The following ADGRF3 variants were observed in gnomAD, a reference collection of about 807,000 sequenced individuals.
The protein encoded by ADGRF3 is adhesion G protein-coupled receptor F3, also known as G protein-coupled receptor 113.
Under a neutral mutation model 93.2 loss-of-function variants are expected in ADGRF3, and 85 were observed. The observed-to-expected ratio is 0.91, with a 90% CI of 0.77 to 1.09. The LOEUF (loss-of-function observed/expected upper bound fraction) is 1.09, where lower values mean the gene tolerates loss of function less well. ADGRF3 is among the 50% of genes least tolerant of loss of function. ADGRF3 has a pLI of 0.00. For missense variants in ADGRF3, 1,125 were observed against 1,246.2 expected, an observed-to-expected ratio of 0.90 and a Z score of 1.46; for synonymous variants, 534 against 532.5, an observed-to-expected ratio of 1.00 and a Z score of -0.04.
In ADGRF3 at chr2:26,311,181, A is replaced by G. The variant is rs1417734557; in HGVS notation, c.2343T>C (p.His781=). 6.3e-7 allele frequency: 1 copy of G among 1,598,784 alleles called. No individual in the cohort carries two copies. Among genetic ancestry groups the G allele is most frequent in the Non-Finnish European group, 8.5e-7 (1 of 1,173,144 alleles). Residue 781 remains histidine, a synonymous_variant, in exon 10 of 14, where the codon CAT becomes CAC. Transcript: ENST00000651242. ...AGAAAAAGGTGGCCAGGTAGAGGAA[A>G]TGACAGAGGAAGGCGGCAGCAAGGC... The part of the protein sequence containing the change: ...PLCLAAAFLC[H]FLYLATFFWM...
rs533165332 is a variant in ADGRF3 at position 26,310,122 on chromosome 2, T to A, written c.2875-17A>T. The A allele has an allele frequency of 4.3e-6, 7 of 1,613,992 alleles. No homozygotes were observed. Among genetic ancestry groups the A allele is most frequent in the African/African-American group, 2.7e-5 (2 of 75,054 alleles). On this transcript the variant is annotated splice_polypyrimidine_tract_variant and intron_variant, in intron 11 of 13. Coordinates refer to ENST00000651242, the MANE Select transcript of ADGRF3 (RefSeq NM_001321971.2). ...TTCTTGTATCTGCGGGAGAGGTAAA[T>A]GCTCTGCTTATGCCAGCCACGGCCC...
chr2:26,310,937 C>A lies in ADGRF3; in HGVS notation c.2587G>T (p.Gly863Trp). The change falls in exon 10 of 14, where the codon GGG becomes TGG. Residue 863 changes from glycine (G) to tryptophan (W), a missense_variant. By Grantham distance (184) the Gly-to-Trp change is radical. Transcript: ENST00000651242. ...ACGCCTATGATGGCCAGCACTGGCC[C>A]CACGAAGGTGTATAACGCCCCTCCC... ...GKGGALYTFV[G>W]PVLAIIGVNG... 1 of 1,613,538 alleles carries A rather than the reference C, an allele frequency of 6.2e-7. No individual in the cohort carries two copies. The highest frequency in any genetic ancestry group is 8.5e-7 in the Non-Finnish European group (1 of 1,179,690).
Position 26,311,141 on chromosome 2 carries a change from C to A in ADGRF3, c.2383G>T (p.Ala795Ser). 1 of 1,594,634 alleles carries A rather than the reference C, an allele frequency of 6.3e-7. No homozygotes were observed. The highest frequency in any genetic ancestry group is 8.5e-7 in the Non-Finnish European group (1 of 1,171,002). The change falls in exon 10 of 14, where the codon GCC becomes TCC. Residue 795 changes from alanine (A) to serine (S), a missense_variant. By Grantham distance (99) the Ala-to-Ser change is moderately conservative. Transcript: ENST00000651242. ...AGCAGCTGGTGGGCCAACACCAGGG[C>A]CTGCGCCAGCATCCAGAAAAAGGTG... ...LATFFWMLAQ[A>S]LVLAHQLLFV...
intron 1 of ADGRF3, among the ~76,000 whole-genome samples, chr2:26,342,849 T>A (rs1006183482): frequency 6.6e-6 from 1 of 152,216 alleles, no homozygotes; most frequent in African/African-American, 2.4e-5. Context: ...GGTGACTTAG[T>A]TCCAAAGGCA....
chr2:26,341,826 C>A (rs187137048), intron 1 of ADGRF3, among the ~76,000 whole-genome samples: 2 of 152,010 alleles, frequency 1.3e-5, no homozygotes, highest in African/African-American at 2.4e-5. Context: ...GTAATCCCAG[C>A]GCTTTGGGAG....
chr2:26,312,129 C>G, intron 9 of ADGRF3, 55 bp from the exon 10 acceptor site: 1 of 1,519,724 alleles, frequency 6.6e-7, no homozygotes, highest in East Asian at 2.3e-5. Context: ...CAGGACTGAG[C>G]CGGGGGCAAT....
At chr2:26,322,812 C>G (rs1199220575) in intron 1 of ADGRF3, among the ~76,000 whole-genome samples, 1 of 152,010 alleles carries the variant, frequency 6.6e-6, no homozygotes, top group East Asian at 1.9e-4. Context: ...ATTTTGTATT[C>G]TGTAATAGAA....
chr2:26,331,027 TC>T (rs1675738525), intron 1 of ADGRF3, among the ~76,000 whole-genome samples: 1 of 152,244 alleles, frequency 6.6e-6, no homozygotes, highest in Non-Finnish European at 1.5e-5. Context: ...ATTATTTCAT[TC>T]AAAATATTTT....
Position 26,313,810 on chromosome 2 carries a change from C to A in ADGRF3, c.1022G>T (p.Ser341Ile), listed in dbSNP as rs1674414242. The change falls in exon 7 of 14, where the codon AGC becomes ATC. Residue 341 changes from serine (S) to isoleucine (I), a missense_variant. Transcript: ENST00000651242. ...ADTTYACDLQ[S>I]LGLAPLRVPI... ...GACCCTGAGTGGAGCCAGGCCCAGG[C>A]TCTGCAGGTCACAAGCGTACGTGGT... is the stretch of plus-strand genomic sequence containing the variant. 6.2e-7 allele frequency: 1 copy of A among 1,613,866 alleles called. No individual in the cohort carries two copies. The highest frequency in any genetic ancestry group is 8.5e-7 in the Non-Finnish European group (1 of 1,179,890).
In ADGRF3 at chr2:26,310,075, G is replaced by A. The variant is rs1278140623; in HGVS notation, c.2905C>T (p.Arg969Cys). The A allele has an allele frequency of 5.6e-6, 9 of 1,614,032 alleles. No individual in the cohort carries two copies. Among genetic ancestry groups the A allele is most frequent in the Admixed American group, 1.7e-5 (1 of 60,030 alleles). ...IQEALRKRFC[R>C]AQAPSSTISL... ...ATGGTGGAGCTGGGGGCTTGGGCGC[G>A]GCAGAAGCGTTTGCGCAAAGCTTCT... Residue 969 changes from arginine (R) to cysteine (C), a missense_variant, in exon 12 of 14, where the codon CGC (arginine) becomes TGC (cysteine). By Grantham distance (180) the Arg-to-Cys change is radical (BLOSUM62 -3). Coordinates refer to ENST00000651242, the MANE Select transcript of ADGRF3 (RefSeq NM_001321971.2).
chr2:26,327,950 T>A (rs1194656032), intron 1 of ADGRF3, among the ~76,000 whole-genome samples: 1 of 152,094 alleles, frequency 6.6e-6, no homozygotes, highest in Non-Finnish European at 1.5e-5. Context: ...CACTGTGGCA[T>A]TAGGGATTAA....
At chr2:26,309,980 C>T (rs751193766) in intron 12 of ADGRF3, 63 bp downstream of exon 12, 1 of 1,614,010 alleles carries the variant, frequency 6.2e-7, no homozygotes, top group Admixed American at 1.7e-5. Context: ...CTGAGGAGGG[C>T]CATGGAATGC....
intron 1 of ADGRF3, among the ~76,000 whole-genome samples, chr2:26,329,444 C>T (rs1186300088): frequency 1.3e-5 from 2 of 152,152 alleles, no homozygotes; most frequent in African/African-American, 4.8e-5. Flanking sequence ...AACTGATGCA[C>T]TTTAAAGATA....
At chr2:26,314,042 G>A (rs1674435767) in intron 6 of ADGRF3, 139 bp from the exon 7 acceptor site, 4 of 1,066,534 alleles carry the variant, frequency 3.8e-6, no homozygotes, top group Non-Finnish European at 2.7e-6. Context: ...TGATGTGTGG[G>A]CTCCACTTGG....
intron 13 of ADGRF3, 190 bp downstream of exon 13, chr2:26,309,336 C>A: frequency 6.7e-7 from 1 of 1,482,500 alleles, no homozygotes; most frequent in Non-Finnish European, 8.9e-7. Flanking sequence ...ATGCTTTCTG[C>A]TCTCTGACAT....
chr2:26,328,431 G>A (rs1187007236), intron 1 of ADGRF3, among the ~76,000 whole-genome samples: 2 of 150,336 alleles, frequency 1.3e-5, no homozygotes, highest in Non-Finnish European at 3.0e-5. Flanking sequence ...GCGCTCTAAT[G>A]ACACAACTAT....
Position 26,311,798 on chromosome 2 carries a change from G to A in ADGRF3, c.1726C>T (p.Pro576Ser), listed in dbSNP as rs766781813. ...ATTTCAGTTCCATTACGGACCAATG[G>A]GGCCAGTGAGTGCCTGGGAATCTGA... Reference protein sequence around the residue: ...QAQIPRHSLAPLVRNGTEISI... With the variant: ...QAQIPRHSLASLVRNGTEISI... The change falls in exon 10 of 14, where the codon CCA becomes TCA. Residue 576 changes from proline (P) to serine (S), a missense_variant. Transcript: ENST00000651242. 6 of 1,613,854 alleles carry A rather than the reference G, an allele frequency of 3.7e-6. No individual in the cohort carries two copies.
In ADGRF3 at chr2:26,309,298, G is replaced by A. The variant is rs539078622; in HGVS notation, c.2994-191C>T. The A allele has an allele frequency of 3.3e-6, 5 of 1,522,146 alleles. No homozygotes were observed. The African/African-American group carries it at 5.5e-5, about 17-fold the overall frequency. 94.3% of individuals were successfully genotyped at this position (1,522,146 alleles called of 1,614,324 possible). On this transcript the variant is annotated intron_variant, in intron 13 of 13. Transcript: ENST00000651242. Reference sequence around the variant, plus strand: ...AGGACTGGTGGTGGTGAAACTTCTTGCTTTCTTGGAAAGCAAGATAAGGTG... The same window carrying A: ...AGGACTGGTGGTGGTGAAACTTCTTACTTTCTTGGAAAGCAAGATAAGGTG...
chr2:26,314,468 G>T lies in ADGRF3; in HGVS notation c.874C>A (p.Pro292Thr), dbSNP rs766332380. Residue 292 changes from proline to threonine, a missense_variant, in exon 6 of 14, where the codon CCC (proline) becomes ACC (threonine). By Grantham distance (38) the Pro-to-Thr change is conservative. Transcript: ENST00000651242. ...SPGFQLSCCI[P>T]STNLAYTAAW... ...GCGGTGTAGGCCAGGTTTGTGCTGG[G>T]GATGCAGCAGCTCAGCTGGAAGCCA... 5.0e-5 allele frequency: 80 copies of T among 1,613,898 alleles called. No homozygotes were observed. In the South Asian group the frequency reaches 5.2e-4, roughly 10 times the overall value.
Sources: allele counts gnomAD v4.1 joint callset (sites outside exome capture counted in the v4.1 genomes callset), GRCh38; gene constraint gnomAD v4.1.1; transcripts MANE v1.5; gene names NCBI Gene and HGNC (gene_info 2026-07-23, HGNC 2026-07-21).